The following ZNF410 variants were observed in gnomAD, a reference collection of about 807,000 sequenced individuals.
ZNF410 encodes another partner for ARF 1.
ZNF410 carries 18 observed loss-of-function variants against 54.8 expected under a neutral mutation model. That is an observed-to-expected ratio of 0.33 (90% CI 0.23 to 0.49). The LOEUF is 0.49. Ranked by LOEUF, ZNF410 falls within the 20% of genes least tolerant of loss-of-function variation. The pLI is 0.99. For missense variants in ZNF410, 405 were observed against 569.6 expected (o/e 0.71, Z 2.94); for synonymous variants, 191 against 207.3 (o/e 0.92, Z 0.68).
At chr14:73,922,396 A>AT (rs1356366966) in intron 10 of ZNF410, 190 bp downstream of exon 10, 7 of 443,350 alleles carry the variant, frequency 1.6e-5, no homozygotes, top group Non-Finnish European at 2.6e-5. Flanking sequence ...TTCATTGAAG[A>AT]TAATATAATA....
Position 73,891,091 on chromosome 14 carries a change from C to CT in ZNF410, c.-149-924dup, listed in dbSNP as rs34857294. Among the ~76,000 whole-genome samples, 18 of 149,236 alleles carry CT rather than the reference C, an allele frequency of 1.2e-4. 1 individual carries two copies. The highest frequency in any genetic ancestry group is 1.8e-4 in the Non-Finnish European group (12 of 67,258). On this transcript the variant is annotated intron_variant, in intron 1 of 11. Coordinates refer to ENST00000555044, the MANE Select transcript of ZNF410 (RefSeq NM_021188.3). ...TTGGGAAACGCTCTTCAAATTTTAA[C>CT]TTTTTTTTTTTTAAATGTAATTTTA...
At chr14:73,928,862 C>T (rs2055871691) in intron 11 of ZNF410, among the ~76,000 whole-genome samples, 1 of 152,092 alleles carries the variant, frequency 6.6e-6, no homozygotes, top group South Asian at 2.1e-4. Context: ...GCAGGAGGAT[C>T]AACTTGAGCC....
chr14:73,905,587 C>T (rs1244033440), intron 7 of ZNF410: 1 of 152,418 alleles, frequency 6.6e-6, no homozygotes, highest in African/African-American at 2.4e-5. Flanking sequence ...TTCTGGGTCA[C>T]ACAGTATGTT....
chr14:73,904,835 G>T (rs1399970634), intron 6 of ZNF410, 67 bp from the exon 7 acceptor site: 48 of 1,531,876 alleles, frequency 3.1e-5, no homozygotes, highest in Non-Finnish European at 4.2e-5. Flanking sequence ...GTCAATAGGG[G>T]CTTTGACTTG....
At position 73,893,837 on chromosome 14, in the gene ZNF410, G is replaced by T. The variant is rs1445760193; in HGVS notation, c.74G>T (p.Gly25Val). Reference protein sequence around the residue: ...QFVQNTSIPLGQGLVESEAKD... With the variant: ...QFVQNTSIPLVQGLVESEAKD... ...GTTCAGAATACGTCCATCCCATTGG[G>T]ACAGGGGCTTGTAGAATCAGAAGCT... is the stretch of plus-strand genomic sequence containing the variant. The change falls in exon 3 of 12, where the codon GGA becomes GTA. Residue 25 changes from glycine to valine, a missense_variant. Around this residue, in one of 3 missense-constraint regions of ZNF410, gnomAD observed 247 missense variants for 342.8 expected, o/e 0.72. Coordinates refer to ENST00000555044, the MANE Select transcript of ZNF410 (RefSeq NM_021188.3). 1 of 1,614,044 alleles carries T rather than the reference G, an allele frequency of 6.2e-7. No homozygotes were observed. Among genetic ancestry groups the T allele is most frequent in the Non-Finnish European group, 8.5e-7 (1 of 1,179,994 alleles).
rs776822580 is a variant in ZNF410, at chr14:73,921,066, C to A, written c.1090C>A (p.Gln364Lys). 2 of 1,613,972 alleles carry A rather than the reference C, an allele frequency of 1.2e-6. No homozygotes were observed. The highest frequency in any genetic ancestry group is 2.2e-5 in the South Asian group (2 of 91,060). ...RNVHMRKHHL[Q>K]LGAAGSQEQE... ...TGTGCATATGAGAAAGCATCACCTG[C>A]AGCTGGGAGCAGCTGGGAGTCAAGA... The change falls in exon 9 of 12, where the codon CAG becomes AAG. Residue 364 changes from glutamine (Q) to lysine (K), a missense_variant. By Grantham distance (53) the Gln-to-Lys change is moderately conservative (BLOSUM62 1). Transcript: ENST00000555044.
At chr14:73,908,362 G>GT in intron 7 of ZNF410, among the ~76,000 whole-genome samples, 1 of 151,728 alleles carries the variant, frequency 6.6e-6, no homozygotes, top group South Asian at 2.1e-4. Context: ...ATTTGATCTT[G>GT]TTATTACTAA....
intron 8 of ZNF410, 52 bp from the exon 9 acceptor site, chr14:73,920,928 C>G: frequency 6.2e-7 from 1 of 1,608,208 alleles, no homozygotes; most frequent in Non-Finnish European, 8.5e-7. Context: ...GTCTTGAGTT[C>G]ATTCTCTTCC....
At chr14:73,919,895 T>TG (rs1469381919) in intron 8 of ZNF410, among the ~76,000 whole-genome samples, 2 of 146,306 alleles carry the variant, frequency 1.4e-5, no homozygotes, top group Admixed American at 6.8e-5. Context: ...GGTTTTTTTT[T>TG]TTTTTTTTTT....
chr14:73,897,800 C>T (rs1161914061), intron 4 of ZNF410, among the ~76,000 whole-genome samples: 12 of 151,832 alleles, frequency 7.9e-5, no homozygotes, highest in African/African-American at 1.5e-4. Context: ...GGTGAAACCC[C>T]GTCTCTACTA....
Position 73,904,009 on chromosome 14 carries a change from G to A in ZNF410, c.630G>A (p.Gly210=). 1.2e-6 allele frequency: 2 copies of A among 1,614,178 alleles called. No homozygotes were observed. Among genetic ancestry groups the A allele is most frequent in the Non-Finnish European group, 1.7e-6 (2 of 1,180,038 alleles). ...GSGDGQSKDS[G]PLPQVEKKLK... is the part of the protein sequence containing the mutation. ...GTGATGGGCAGTCAAAAGATTCTGG[G>A]CCCCTTCCTCAAGTGGAAAAGAAGC... is the stretch of plus-strand genomic sequence containing the variant. The change falls in exon 6 of 12, where the codon GGG becomes GGA. Residue 210 remains glycine (G), a synonymous_variant. Coordinates refer to ENST00000555044, the MANE Select transcript of ZNF410 (RefSeq NM_021188.3).
intron 3 of ZNF410, among the ~76,000 whole-genome samples, chr14:73,894,690 G>T (rs962890165): frequency 2.0e-5 from 3 of 152,154 alleles, no homozygotes; most frequent in Non-Finnish European, 2.9e-5. Flanking sequence ...GCCTCCCAAA[G>T]TGCTGAGATT....
At chr14:73,911,320 C>T (rs1015714143) in intron 8 of ZNF410, among the ~76,000 whole-genome samples, 4 of 151,936 alleles carry the variant, frequency 2.6e-5, no homozygotes, top group African/African-American at 9.7e-5. Context: ...AATGACTGGC[C>T]GTGGGAAACA....
chr14:73,904,404 C>T (rs2055451088), intron 6 of ZNF410, among the ~76,000 whole-genome samples: 1 of 152,144 alleles, frequency 6.6e-6, no homozygotes, highest in Non-Finnish European at 1.5e-5. Context: ...AGCATGGGCT[C>T]CTACCTTGAA....
At chr14:73,897,504 T>G (rs533370405) in intron 4 of ZNF410, among the ~76,000 whole-genome samples, 6 of 152,054 alleles carry the variant, frequency 3.9e-5, no homozygotes, top group African/African-American at 1.4e-4. Flanking sequence ...AGAATGAGAA[T>G]GAAATACAGT....
At chr14:73,910,860 T>A (rs1447916584) in intron 8 of ZNF410, among the ~76,000 whole-genome samples, 3 of 100,012 alleles carry the variant, frequency 3.0e-5, no homozygotes, top group Admixed American at 2.1e-4. Context: ...AGACCCTGTC[T>A]CAAAAAAAAA....
At chr14:73,918,899 C>T (rs758308736) in intron 8 of ZNF410, among the ~76,000 whole-genome samples, 1 of 147,474 alleles carries the variant, frequency 6.8e-6, no homozygotes, top group East Asian at 2.0e-4. Context: ...GGGGTTTCAC[C>T]GTGTTAGCCA....
intron 3 of ZNF410, among the ~76,000 whole-genome samples, chr14:73,894,816 G>A (rs1367272275): frequency 2.6e-5 from 4 of 152,126 alleles, no homozygotes; most frequent in African/African-American, 9.7e-5. Context: ...TTTGTGTTAA[G>A]ATCTGAGATA....
intron 5 of ZNF410, among the ~76,000 whole-genome samples, chr14:73,899,546 A>G (rs1163470927): frequency 2.0e-5 from 3 of 152,184 alleles, no homozygotes; most frequent in Non-Finnish European, 4.4e-5. Context: ...CAATCTCCAG[A>G]TGCTGAAACC....
Sources: gnomAD v4.1 joint callset for allele counts (sites outside exome capture counted in the v4.1 genomes callset) on GRCh38, gnomAD v4.1.1 for gene constraint, gnomAD v4.1.1 regional missense constraint, MANE v1.5 for transcripts, NCBI Gene and HGNC (gene_info 2026-07-23, HGNC 2026-07-21) for gene names.